HECW2: variants seen among roughly 807,000 people sequenced by gnomAD.
The protein encoded by HECW2 is HECT, C2 and WW domain containing E3 ubiquitin protein ligase 2, also known as E3 ubiquitin-protein ligase HECW2.
Under a neutral mutation model 175.2 loss-of-function variants are expected in HECW2, and 61 were observed. The observed-to-expected ratio is 0.35, with a 90% CI of 0.28 to 0.43. HECW2 has a LOEUF of 0.43. Among genes scored for constraint, HECW2 ranks in the 20% least tolerant of loss-of-function variants. HECW2 has a pLI of 1.00. For missense variants in HECW2, 1,524 were observed against 2,000.5 expected (o/e 0.76, Z 4.54); for synonymous variants, 671 against 731.0 (o/e 0.92, Z 1.32).
At chr2:196,278,065 C>T (rs1424950019) in intron 15 of HECW2, among the ~76,000 whole-genome samples, 1 of 139,424 alleles carries the variant, frequency 7.2e-6, no homozygotes, top group African/African-American at 2.6e-5. Context: ...CAACATGGCA[C>T]ATGTATACAA....
intron 1 of HECW2, among the ~76,000 whole-genome samples, chr2:196,566,526 T>C (rs563499314): frequency 6.7e-6 from 1 of 149,672 alleles, no homozygotes; most frequent in Non-Finnish European, 1.5e-5. Flanking sequence ...AACTATACTT[T>C]TCTTTTTCTT....
chr2:196,577,995 C>T (rs918740064), intron 1 of HECW2, among the ~76,000 whole-genome samples: 3 of 152,092 alleles, frequency 2.0e-5, no homozygotes, highest in Non-Finnish European at 2.9e-5. Flanking sequence ...TAAAGCATGG[C>T]CCATTCACAG....
chr2:196,361,389 C>T (rs894660812), intron 2 of HECW2, among the ~76,000 whole-genome samples: 1 of 152,120 alleles, frequency 6.6e-6, no homozygotes, highest in African/African-American at 2.4e-5. Context: ...CATCTCACTC[C>T]CTGAGAGAAG....
At chr2:196,400,168 A>T (rs984757766) in intron 2 of HECW2, among the ~76,000 whole-genome samples, 11 of 152,222 alleles carry the variant, frequency 7.2e-5, no homozygotes, top group African/African-American at 2.7e-4. Flanking sequence ...AATTTTTCTA[A>T]TCACACAGTG....
chr2:196,540,460 A>C (rs1689172416), intron 1 of HECW2, among the ~76,000 whole-genome samples: 1 of 151,986 alleles, frequency 6.6e-6, no homozygotes, highest in African/African-American at 2.4e-5. Flanking sequence ...ATTTTTAGAG[A>C]CAGGTTCTCA....
At chr2:196,295,685 C>T (rs1690784193) in intron 13 of HECW2, among the ~76,000 whole-genome samples, 1 of 152,160 alleles carries the variant, frequency 6.6e-6, no homozygotes, top group Non-Finnish European at 1.5e-5. Context: ...ACCAGAAATG[C>T]TCCTCACTTT....
chr2:196,407,607 T>C (rs1694999196), intron 2 of HECW2, among the ~76,000 whole-genome samples: 1 of 152,222 alleles, frequency 6.6e-6, no homozygotes, highest in Non-Finnish European at 1.5e-5. Flanking sequence ...AAATGATCTA[T>C]ACCAGGTCAC....
chr2:196,444,743 T>C (rs1696135138), intron 1 of HECW2, among the ~76,000 whole-genome samples: 2 of 152,190 alleles, frequency 1.3e-5, no homozygotes, highest in Admixed American at 1.3e-4. Context: ...TCACAAGTAG[T>C]GACATTAAAG....
intron 2 of HECW2, among the ~76,000 whole-genome samples, chr2:196,430,798 A>G (rs1219838708): frequency 6.6e-6 from 1 of 152,184 alleles, no homozygotes; most frequent in Non-Finnish European, 1.5e-5. Context: ...GGCCTTGCAG[A>G]ACAACATGAA....
At chr2:196,564,545 CA>C (rs1478167898) in intron 1 of HECW2, among the ~76,000 whole-genome samples, 1 of 152,056 alleles carries the variant, frequency 6.6e-6, no homozygotes, top group African/African-American at 2.4e-5. Flanking sequence ...ATATCACATA[CA>C]TAGAGAATCA....
At chr2:196,448,030 T>C (rs571897802) in intron 1 of HECW2, among the ~76,000 whole-genome samples, 2 of 152,278 alleles carry the variant, frequency 1.3e-5, no homozygotes, top group East Asian at 3.9e-4. Context: ...CTGCACTCCA[T>C]CCTCGGCAAT....
intron 1 of HECW2, among the ~76,000 whole-genome samples, chr2:196,447,609 T>C (rs1160270924): frequency 1.3e-5 from 2 of 152,194 alleles, no homozygotes. Flanking sequence ...TTGACTCTCT[T>C]AGGATTAGAC....
chr2:196,327,005 TTTTCTTGCC>T (rs1326146032), intron 5 of HECW2, among the ~76,000 whole-genome samples: 7 of 152,214 alleles, frequency 4.6e-5, no homozygotes, highest in Non-Finnish European at 1.0e-4. Context: ...GCCACATTCA[TTTTCTTGCC>T]TTTCTTGATT....
At chr2:196,493,644 T>G (rs963065634) in intron 1 of HECW2, among the ~76,000 whole-genome samples, 1 of 152,242 alleles carries the variant, frequency 6.6e-6, no homozygotes, top group African/African-American at 2.4e-5. Context: ...TGTGTTTCTC[T>G]TCTTTGTCAA....
At chr2:196,358,466 T>G (rs1487679622) in intron 2 of HECW2, among the ~76,000 whole-genome samples, 1 of 151,402 alleles carries the variant, frequency 6.6e-6, no homozygotes, top group African/African-American at 2.4e-5. Flanking sequence ...TCCCAGCTAC[T>G]TGGGAGGCTG....
At chr2:196,252,389 C>T (rs567581923) in intron 19 of HECW2, among the ~76,000 whole-genome samples, 12 of 152,040 alleles carry the variant, frequency 7.9e-5, no homozygotes, top group African/African-American at 2.9e-4. Flanking sequence ...CCCTCTAAAT[C>T]TCATGTTTAA....
At chr2:196,517,660 A>G (rs1210100162) in intron 1 of HECW2, among the ~76,000 whole-genome samples, 2 of 152,228 alleles carry the variant, frequency 1.3e-5, no homozygotes, top group East Asian at 3.8e-4. Flanking sequence ...TAATCATATA[A>G]TAATACTACA....
rs1378558002 is a variant in HECW2, at chr2:196,195,512, A to T, written c.*5765T>A. On this transcript the variant is annotated 3_prime_UTR_variant, in exon 29 of 29. Coordinates refer to ENST00000644978, the MANE Select transcript of HECW2 (RefSeq NM_001348768.2). ...ATAAACGACTCTGCAGATAAAATCTAAGCAAATCTATTTCCGGTCTTGATT... is the reference window on the plus strand; with the variant it reads ...ATAAACGACTCTGCAGATAAAATCTTAGCAAATCTATTTCCGGTCTTGATT... The T allele has an allele frequency of 6.6e-6, 1 of 152,212 alleles. No individual in the cohort carries two copies. The highest frequency in any genetic ancestry group is 1.5e-5 in the Non-Finnish European group (1 of 68,044). The allele number at this position is 152,212 out of a possible 1,614,324, so 9.4% of individuals were successfully genotyped here.
intron 2 of HECW2, among the ~76,000 whole-genome samples, chr2:196,405,898 G>A (rs1694954546): frequency 6.6e-6 from 1 of 152,064 alleles, no homozygotes; most frequent in African/African-American, 2.4e-5. Flanking sequence ...AGCTTCCCTT[G>A]ACACATTGCC....
Sources: gnomAD v4.1 joint callset for allele counts (sites outside exome capture counted in the v4.1 genomes callset) on GRCh38, gnomAD v4.1.1 for gene constraint, MANE v1.5 for transcripts, NCBI Gene and HGNC (gene_info 2026-07-23, HGNC 2026-07-21) for gene names.